Variants in N4BP2 observed in about 807,000 individuals in gnomAD.
N4BP2 encodes the protein NEDD4 binding protein 2.
A neutral mutation model predicts 152.8 loss-of-function variants in N4BP2; 91 were observed. The ratio of observed to expected loss-of-function variants is 0.60; its 90% CI spans 0.50 to 0.71. The LOEUF is 0.71. Ranked by LOEUF, N4BP2 falls within the 30% of genes least tolerant of loss-of-function variation. N4BP2 has a pLI of 0.00. For missense variants in N4BP2, 1,923 were observed against 2,059.1 expected (o/e 0.93, Z 1.28); for synonymous variants, 646 against 705.3 (o/e 0.92, Z 1.33).
rs1231154469 is a variant in N4BP2, at chr4:40,102,282, T to C, written c.437T>C (p.Ile146Thr). 1.2e-6 allele frequency: 2 copies of C among 1,613,136 alleles called. No individual in the cohort carries two copies. The highest frequency in any genetic ancestry group is 2.7e-5 in the African/African-American group (2 of 74,868). ...MQLTEDLDSLIQNAFEKLNSS... is the reference protein window; with the variant it reads ...MQLTEDLDSLTQNAFEKLNSS... ...CTAACTGAAGACCTGGATTCCTTAATACAGAATGCTTTTGAGAAATTGAAC... is the reference window on the plus strand; with the variant it reads ...CTAACTGAAGACCTGGATTCCTTAACACAGAATGCTTTTGAGAAATTGAAC... The change falls in exon 4 of 18, where the codon ATA (isoleucine) becomes ACA (threonine). Residue 146 changes from isoleucine (I) to threonine (T), a missense_variant. Ile to Thr is a moderately conservative substitution (Grantham distance 89, BLOSUM62 -1). Coordinates refer to ENST00000261435, the MANE Select transcript of N4BP2 (RefSeq NM_018177.6).
At chr4:40,161,770 AT>A (rs143205833), downstream of N4BP2, among the ~76,000 whole-genome samples, 345 of 152,328 alleles carry the variant, frequency 2.3e-3, no homozygotes, top group Non-Finnish European at 3.7e-3. Context: ...CTACTTTTGA[AT>A]GTATTCAAAG....
chr4:40,173,111 A>G, the N4BP2 span, among the ~76,000 whole-genome samples: 2 of 151,944 alleles, frequency 1.3e-5, no homozygotes, highest in Non-Finnish European at 2.9e-5. Context: ...TAACTCTACT[A>G]TCACCATCAG....
chr4:40,150,368 T>G (rs1397338513), intron 16 of N4BP2, among the ~76,000 whole-genome samples: 1 of 152,086 alleles, frequency 6.6e-6, no homozygotes, highest in East Asian at 1.9e-4. Context: ...AAATTCAGAT[T>G]GTGAAAATCT....
rs116442243 is a variant in N4BP2 at position 40,104,801 on chromosome 4, C to A, written c.1373+1583C>A. 5.9e-3 allele frequency among the ~76,000 whole-genome samples: 874 copies of A among 148,000 alleles called. 8 individuals are homozygous for A. Among genetic ancestry groups the A allele is most frequent in the African/African-American group, 0.021 (840 of 39,908 alleles). ...GAAGAGTGTTGAGACATAGAACCTG[C>A]GTTGTCTTTTTTTTTTTTTTGGAGA... is the stretch of plus-strand genomic sequence containing the variant. On this transcript the variant is annotated intron_variant, in intron 4 of 17. Coordinates refer to ENST00000261435, the MANE Select transcript of N4BP2 (RefSeq NM_018177.6).
chr4:40,072,334 C>T (rs1048859779), intron 1 of N4BP2, among the ~76,000 whole-genome samples: 1 of 150,278 alleles, frequency 6.7e-6, no homozygotes, highest in African/African-American at 2.5e-5. Context: ...CAACCTTCGA[C>T]TCCCTGGTTC....
chr4:40,137,089 A>T lies in N4BP2; in HGVS notation c.4785+7A>T, dbSNP rs1719475171. 1 of 1,595,872 alleles carries T rather than the reference A, an allele frequency of 6.3e-7. No individual in the cohort carries two copies. The highest frequency in any genetic ancestry group is 1.8e-5 in the Admixed American group (1 of 56,316). ...GAAGTCTAAAGAGAAAAAGGTATGG[A>T]GTTACTAATTTTTTTTCTACAAGGG... On this transcript the variant is annotated splice_region_variant and intron_variant, in intron 14 of 17. Transcript: ENST00000261435.
At chr4:40,146,184 T>TA (rs989568355) in intron 16 of N4BP2, among the ~76,000 whole-genome samples, 4 of 151,644 alleles carry the variant, frequency 2.6e-5, no homozygotes, top group East Asian at 1.9e-4. Context: ...AATAAATAAA[T>TA]AAATAAAATA....
downstream of N4BP2, among the ~76,000 whole-genome samples, chr4:40,161,698 G>A (rs1442881917): frequency 6.6e-6 from 1 of 152,148 alleles, no homozygotes; most frequent in African/African-American, 2.4e-5. Flanking sequence ...TGGGTACTTA[G>A]GAAACAAGAT....
chr4:40,117,306 G>A (rs546812728), intron 7 of N4BP2, among the ~76,000 whole-genome samples: 1 of 152,102 alleles, frequency 6.6e-6, no homozygotes, highest in African/African-American at 2.4e-5. Flanking sequence ...AGACAAGATC[G>A]AGGTAGGTAA....
Position 40,106,977 on chromosome 4 carries a change from T to G in N4BP2, c.1451T>G (p.Phe484Cys). 1 of 1,613,462 alleles carries G rather than the reference T, an allele frequency of 6.2e-7. No homozygotes were observed. The highest frequency in any genetic ancestry group is 8.5e-7 in the Non-Finnish European group (1 of 1,179,470). ...TTTTATATAAATGGACAGTACCAGT[T>G]TGATGTAAAGTACTTAGGAGAAGCA... ...DYFYINGQYQFDVKYLGEAHE... is the reference protein window; with the variant it reads ...DYFYINGQYQCDVKYLGEAHE... The change falls in exon 5 of 18, where the codon TTT becomes TGT. Residue 484 changes from phenylalanine (F) to cysteine (C), a missense_variant. Transcript: ENST00000261435.
At chr4:40,092,013 TATATATATATATA>T (rs1714637065) in intron 2 of N4BP2, among the ~76,000 whole-genome samples, 2 of 54,158 alleles carry the variant, frequency 3.7e-5, no homozygotes, top group Admixed American at 2.1e-4. Context: ...AAAAATTATA[TATATATATATATA>T]TATATATATA....
chr4:40,116,330 T>C (rs918906340), intron 7 of N4BP2, among the ~76,000 whole-genome samples: 2 of 152,162 alleles, frequency 1.3e-5, no homozygotes, highest in Non-Finnish European at 1.5e-5. Context: ...ATAATTGATC[T>C]TGTCTCATTC....
At chr4:40,080,323 T>TAC (rs892524199) in intron 2 of N4BP2, among the ~76,000 whole-genome samples, 1 of 150,640 alleles carries the variant, frequency 6.6e-6, no homozygotes, top group African/African-American at 2.4e-5. Flanking sequence ...TATATATATA[T>TAC]ATACACACAC....
chr4:40,119,400 A>G (rs1313673128), intron 8 of N4BP2, among the ~76,000 whole-genome samples: 1 of 152,238 alleles, frequency 6.6e-6, no homozygotes, highest in Non-Finnish European at 1.5e-5. Flanking sequence ...TGAGTCTGAA[A>G]TTAACATTAA....
Position 40,117,861 on chromosome 4 carries a change from A to AT in N4BP2, c.1665-4dup. 6.3e-7 allele frequency: 1 copy of AT among 1,586,982 alleles called. No individual in the cohort carries two copies. Among genetic ancestry groups the AT allele is most frequent in the Non-Finnish European group, 8.6e-7 (1 of 1,168,926 alleles). On this transcript the variant is annotated splice_polypyrimidine_tract_variant and splice_region_variant and intron_variant, in intron 7 of 17. Coordinates refer to ENST00000261435, the MANE Select transcript of N4BP2 (RefSeq NM_018177.6). ...TCCTTCAACCCTTTTTTCCCCTGGA[A>AT]TTTTCAGGCGTAACATTCATGGGGT...
rs1378657523 is a variant in N4BP2, at chr4:40,157,629, C to A, written c.*3392C>A. ...TAACGTGTGCTGTTTTTTCCAAGTG[C>A]TTTTTCTAAGTGCTTTTCCATTGTG... On this transcript the variant is annotated 3_prime_UTR_variant, in exon 18 of 18. Coordinates refer to ENST00000261435, the MANE Select transcript of N4BP2 (RefSeq NM_018177.6). The A allele has an allele frequency of 2.6e-5, 4 of 151,978 alleles. No homozygotes were observed. The highest frequency in any genetic ancestry group is 9.7e-5 in the African/African-American group (4 of 41,388). 9.4% of individuals were successfully genotyped at this position (151,978 alleles called of 1,614,324 possible).
At chr4:40,062,325 C>T (rs968069695) in intron 1 of N4BP2, among the ~76,000 whole-genome samples, 1 of 152,144 alleles carries the variant, frequency 6.6e-6, no homozygotes, top group Non-Finnish European at 1.5e-5. Flanking sequence ...TGATCCTCCT[C>T]TCTTTAATAT....
At chr4:40,130,462 C>G (rs1348537232) in intron 12 of N4BP2, among the ~76,000 whole-genome samples, 1 of 152,074 alleles carries the variant, frequency 6.6e-6, no homozygotes, top group Non-Finnish European at 1.5e-5. Context: ...TATAAATGGC[C>G]TAAGTATGGT....
At chr4:40,092,008 T>TTTTATATATATA (rs1553920274) in intron 2 of N4BP2, among the ~76,000 whole-genome samples, 2 of 27,202 alleles carry the variant, frequency 7.4e-5, no homozygotes, top group African/African-American at 3.1e-4. Context: ...AAAAAAAAAA[T>TTTTATATATATA]TATATATATA....
Sources: gnomAD v4.1 joint callset for allele counts (sites outside exome capture counted in the v4.1 genomes callset) on GRCh38, gnomAD v4.1.1 for gene constraint, MANE v1.5 for transcripts, NCBI Gene and HGNC (gene_info 2026-07-23, HGNC 2026-07-21) for gene names.